Variants in NID1 observed in about 807,000 individuals in gnomAD.
NID1 encodes the protein nidogen-1.
In NID1, 76 loss-of-function variants were observed where a neutral mutation model predicts 130.6. The ratio of observed to expected loss-of-function variants is 0.58; its 90% CI spans 0.48 to 0.70. NID1 has a LOEUF of 0.70. NID1 is among the 30% of genes least tolerant of loss of function. The pLI is 0.00. For missense variants in NID1, 1,517 were observed against 1,664.8 expected, an observed-to-expected ratio of 0.91 and a Z score of 1.54; for synonymous variants, 665 against 675.1, an observed-to-expected ratio of 0.98 and a Z score of 0.23.
At chr1:236,051,689 A>G (rs1199989340) in intron 1 of NID1, among the ~76,000 whole-genome samples, 2 of 152,276 alleles carry the variant, frequency 1.3e-5, no homozygotes, top group East Asian at 3.9e-4. Context: ...CAAGCATCCC[A>G]GGGAGCTGCC....
intron 17 of NID1, among the ~76,000 whole-genome samples, 159 bp downstream of exon 17, chr1:235,980,337 A>G (rs1217640255): frequency 6.6e-6 from 1 of 152,232 alleles, no homozygotes; most frequent in Non-Finnish European, 1.5e-5. Flanking sequence ...TTGTACCAGT[A>G]TATATTTAAT....
rs566989684 is a variant in NID1 at position 236,054,878 on chromosome 1, G to A, written c.226-5889C>T. Among the ~76,000 whole-genome samples the A allele has an allele frequency of 4.6e-3, 702 of 152,112 alleles. 6 individuals carry two copies. Among genetic ancestry groups the A allele is most frequent in the African/African-American group, 0.016 (654 of 41,512 alleles). ...GCTAGTCTGGAACTCCTGAGCTCAA[G>A]CTATCCGCCCGCCTCAGCCTCCCAA... On this transcript the variant is annotated intron_variant, in intron 1 of 19. Coordinates refer to ENST00000264187, the MANE Select transcript of NID1 (RefSeq NM_002508.3).
At chr1:235,988,103 G>C (rs1007733639) in intron 14 of NID1, among the ~76,000 whole-genome samples, 4 of 152,134 alleles carry the variant, frequency 2.6e-5, no homozygotes, top group African/African-American at 9.7e-5. Flanking sequence ...AGAGTGAAAA[G>C]ACAACCCATG....
rs573512686 is a variant in NID1 at position 236,041,995 on chromosome 1, G to C, written c.1050C>G (p.Thr350=). 6.2e-7 allele frequency: 1 copy of C among 1,614,058 alleles called. No homozygotes were observed. Among genetic ancestry groups the C allele is most frequent in the South Asian group, 1.1e-5 (1 of 91,082 alleles). ...TCTCCACTGCCAACTGGAAAGACCT[G>C]GTTCTCTCTGTGGGAGGTCCAAGGG... The part of the protein sequence containing the change: ...ERPLGPPTER[T]RSFQLAVETF... Residue 350 remains threonine (T), a synonymous_variant, in exon 4 of 20, where the codon ACC becomes ACG. Coordinates refer to ENST00000264187, the MANE Select transcript of NID1 (RefSeq NM_002508.3).
At chr1:236,008,399 A>G (rs1460759932) in intron 12 of NID1, among the ~76,000 whole-genome samples, 1 of 152,214 alleles carries the variant, frequency 6.6e-6, no homozygotes, top group Non-Finnish European at 1.5e-5. Context: ...TAAGTACCAA[A>G]TAAGTGCTGT....
chr1:235,981,515 G>A, intron 16 of NID1, 96 bp downstream of exon 16: 1 of 1,345,898 alleles, frequency 7.4e-7, no homozygotes, highest in East Asian at 2.3e-5. Flanking sequence ...ATTAATTTCA[G>A]GAGACCAATG....
intron 12 of NID1, among the ~76,000 whole-genome samples, chr1:236,008,688 C>T (rs559661848): frequency 6.9e-4 from 101 of 146,828 alleles, no homozygotes; most frequent in Middle Eastern, 7.2e-3. Flanking sequence ...TTTTTTGAGA[C>T]GGGATTTTGC....
chr1:236,003,004 C>T (rs1459549621), intron 12 of NID1, among the ~76,000 whole-genome samples: 1 of 152,126 alleles, frequency 6.6e-6, no homozygotes, highest in Non-Finnish European at 1.5e-5. Flanking sequence ...TCTCACTCTC[C>T]CCAGCTTTTT....
At position 236,033,280 on chromosome 1, in the gene NID1, C is replaced by G. The variant is rs529389601; in HGVS notation, c.1286-628G>C. On this transcript the variant is annotated intron_variant, in intron 5 of 19. Coordinates refer to ENST00000264187, the MANE Select transcript of NID1 (RefSeq NM_002508.3). ...CCAAGATCATGCCACCGCACTCCAG[C>G]CTGGGTGACAGAGCGAGACTGTCTC... Among the ~76,000 whole-genome samples the G allele has an allele frequency of 4.6e-5, 7 of 152,268 alleles. No individual in the cohort carries two copies. The South Asian group carries it at 1.5e-3, about 32-fold the overall frequency.
chr1:236,014,122 G>C (rs1658513130), intron 10 of NID1, among the ~76,000 whole-genome samples: 1 of 152,166 alleles, frequency 6.6e-6, no homozygotes. Context: ...GGAAGACTGT[G>C]AGCCTTTGGA....
chr1:236,055,553 G>A (rs1295070300), intron 1 of NID1, among the ~76,000 whole-genome samples: 1 of 151,924 alleles, frequency 6.6e-6, no homozygotes, highest in Admixed American at 6.6e-5. Flanking sequence ...CACTGGGGAG[G>A]CTGAGGCATG....
At chr1:236,000,832 A>G (rs1283849436) in intron 12 of NID1, among the ~76,000 whole-genome samples, 1 of 152,192 alleles carries the variant, frequency 6.6e-6, no homozygotes, top group Admixed American at 6.5e-5. Flanking sequence ...CATATACTCA[A>G]TAGAGTGGAG....
rs1044391350 is a variant in NID1 at position 236,025,106 on chromosome 1, C to T, written c.1984+790G>A. ...AGCTGGGATTACAGCCACACACCACCACACCCAGCTAAATTTTGTGTTGTT... is the reference window on the plus strand; with the variant it reads ...AGCTGGGATTACAGCCACACACCACTACACCCAGCTAAATTTTGTGTTGTT... On this transcript the variant is annotated intron_variant, in intron 8 of 19. Transcript: ENST00000264187. Among the ~76,000 whole-genome samples, 6 of 151,760 alleles carry T rather than the reference C, an allele frequency of 4.0e-5. No homozygotes were observed. In the East Asian group the frequency reaches 1.2e-3, roughly 30 times the overall value.
At chr1:235,986,636 T>A (rs1458545993) in intron 14 of NID1, among the ~76,000 whole-genome samples, 1 of 152,168 alleles carries the variant, frequency 6.6e-6, no homozygotes, top group Admixed American at 6.5e-5. Flanking sequence ...AATTTTTCTA[T>A]TTTTTTGTAG....
At chr1:236,014,167 T>G (rs920370963) in intron 10 of NID1, among the ~76,000 whole-genome samples, 1 of 151,964 alleles carries the variant, frequency 6.6e-6, no homozygotes, top group African/African-American at 2.4e-5. Flanking sequence ...GTACCATGGG[T>G]CAACCACATG....
In NID1 at chr1:235,991,019, G is replaced by A. The variant is rs138322087; in HGVS notation, c.2795C>T (p.Ala932Val). The A allele has an allele frequency of 1.8e-3, 2,899 of 1,610,194 alleles. 8 individuals carry two copies. Among genetic ancestry groups the A allele is most frequent in the Non-Finnish European group, 1.9e-3 (2,188 of 1,178,208 alleles). ...CAAGGGGATCACGGCGGTAGGCACC[G>A]CAGGTCCTTGGTGAATCGGGGGAGC... ...TVAPPIHQGPAVPTAVIPLPP... is the reference protein window; with the variant it reads ...TVAPPIHQGPVVPTAVIPLPP... Residue 932 changes from alanine (A) to valine (V), a missense_variant, in exon 14 of 20, where the codon GCG becomes GTG. Around this residue, in one of 3 missense-constraint regions of NID1, gnomAD observed 1,329 missense variants for 1,429.2 expected, o/e 0.93. Transcript: ENST00000264187.
intron 3 of NID1, among the ~76,000 whole-genome samples, chr1:236,043,392 A>G (rs1202844801): frequency 6.6e-6 from 1 of 152,086 alleles, no homozygotes; most frequent in Non-Finnish European, 1.5e-5. Context: ...ATTGAACTGA[A>G]GTGTAGGACA....
chr1:236,063,471 C>CAAAAA (rs34798558), intron 1 of NID1, among the ~76,000 whole-genome samples: 6 of 136,978 alleles, frequency 4.4e-5, no homozygotes, highest in African/African-American at 1.6e-4. Flanking sequence ...GACTCTGTCT[C>CAAAAA]AAAAAAAAAA....
At chr1:235,982,309 T>A (rs1237875866) in intron 15 of NID1, among the ~76,000 whole-genome samples, 1 of 152,120 alleles carries the variant, frequency 6.6e-6, no homozygotes, top group Non-Finnish European at 1.5e-5. Context: ...TGTATGTGGC[T>A]GGAGACTATG....
Sources: allele counts gnomAD v4.1 joint callset (sites outside exome capture counted in the v4.1 genomes callset), GRCh38; gene constraint gnomAD v4.1.1; regional missense constraint gnomAD v4.1.1; transcripts MANE v1.5; gene names NCBI Gene and HGNC (gene_info 2026-07-23, HGNC 2026-07-21).